Variants in MAGI2 observed in about 807,000 individuals in gnomAD.
MAGI2 encodes membrane-associated guanylate kinase, WW and PDZ domain-containing protein 2.
A neutral mutation model predicts 133.3 loss-of-function variants in MAGI2; 35 were observed. The ratio of observed to expected loss-of-function variants is 0.26; its 90% CI spans 0.20 to 0.35. The LOEUF (loss-of-function observed/expected upper bound fraction) is 0.35, where lower values mean the gene tolerates loss of function less well. Ranked by LOEUF, MAGI2 falls within the 10% of genes least tolerant of loss-of-function variation. The probability of loss-of-function intolerance (pLI) is 1.00; values close to 1 mark genes in which losing one functional copy is unlikely to be tolerated. For synonymous variants in MAGI2, 729 were observed against 710.6 expected (o/e 1.03, Z -0.41); for missense variants, 1,636 against 1,863.4 (o/e 0.88, Z 2.25).
chr7:79,099,743 CGTGTTA>C (rs1161896477), intron 1 of MAGI2, among the ~76,000 whole-genome samples: 3 of 152,002 alleles, frequency 2.0e-5, no homozygotes, highest in African/African-American at 7.3e-5. Flanking sequence ...TTCCTGTTCC[CGTGTTA>C]GTTCGCTTAG....
chr7:79,347,929 C>G (rs552005665), intron 1 of MAGI2, among the ~76,000 whole-genome samples: 67 of 151,924 alleles, frequency 4.4e-4, no homozygotes, highest in African/African-American at 1.5e-3. Flanking sequence ...GTTAGTATCA[C>G]GTATACATTA....
Position 78,836,738 on chromosome 7 carries a change from C to T in MAGI2, c.418+170352G>A, listed in dbSNP as rs916922677. On this transcript the variant is annotated intron_variant, in intron 2 of 21. Transcript: ENST00000354212. ...ATTTTCTAGACTCCTAGTGCCAAAG[C>T]ACAGGTACAGACCTGACAGTGTCCA... Among the ~76,000 whole-genome samples, 4 of 152,140 alleles carry T rather than the reference C, an allele frequency of 2.6e-5. No individual in the cohort carries two copies. The East Asian group carries it at 5.8e-4, about 22-fold the overall frequency.
At chr7:78,627,762 T>G (rs538095735) in intron 2 of MAGI2, among the ~76,000 whole-genome samples, 1 of 152,362 alleles carries the variant, frequency 6.6e-6, no homozygotes, top group South Asian at 2.1e-4. Context: ...GCCATTTTTA[T>G]TTGATTTAAA....
At chr7:79,039,772 A>G (rs907540982) in intron 1 of MAGI2, among the ~76,000 whole-genome samples, 2 of 150,302 alleles carry the variant, frequency 1.3e-5, no homozygotes, top group Admixed American at 1.3e-4. Flanking sequence ...ACTTGAGGTT[A>G]GGAGTTCGAG....
intron 7 of MAGI2, chr7:78,359,381 A>C (rs1364150149): frequency 2.0e-5 from 3 of 152,246 alleles, no homozygotes; most frequent in Non-Finnish European, 2.9e-5. Flanking sequence ...TGTGTGACCA[A>C]GAGGTGGCAG....
At chr7:79,289,175 T>A (rs896683680) in intron 1 of MAGI2, among the ~76,000 whole-genome samples, 1 of 152,292 alleles carries the variant, frequency 6.6e-6, no homozygotes, top group Middle Eastern at 3.4e-3. Context: ...AGTGGACCTT[T>A]CAGCATTTGG....
At chr7:78,022,185 A>T (rs553939501) in intron 21 of MAGI2, among the ~76,000 whole-genome samples, 1 of 152,332 alleles carries the variant, frequency 6.6e-6, no homozygotes, top group South Asian at 2.1e-4. Context: ...TTAAAATCAG[A>T]CTAACAAATG....
At chr7:78,345,487 C>G (rs956388632) in intron 8 of MAGI2, 2 of 159,126 alleles carry the variant, frequency 1.3e-5, no homozygotes, top group African/African-American at 4.8e-5. Flanking sequence ...GATAGTAAGA[C>G]AAGTCATTCA....
chr7:78,523,780 CT>C (rs1417606667), intron 3 of MAGI2, among the ~76,000 whole-genome samples: 1 of 152,082 alleles, frequency 6.6e-6, no homozygotes, highest in Non-Finnish European at 1.5e-5. Flanking sequence ...ACCACCTGGT[CT>C]CTCCCTTGAC....
intron 2 of MAGI2, 60 bp downstream of exon 2, chr7:79,007,030 A>C: frequency 8.1e-7 from 1 of 1,233,664 alleles, no homozygotes; most frequent in Non-Finnish European, 1.1e-6. Flanking sequence ...TAATCAATGA[A>C]TATATAGCTA....
intron 1 of MAGI2, among the ~76,000 whole-genome samples, chr7:79,073,380 G>GT (rs1234613642): frequency 6.6e-6 from 1 of 152,054 alleles, no homozygotes; most frequent in Admixed American, 6.6e-5. Context: ...CATACGTTCT[G>GT]TTTTTTCACA....
intron 2 of MAGI2, among the ~76,000 whole-genome samples, chr7:78,833,724 A>G (rs929497868): frequency 3.3e-5 from 5 of 152,328 alleles, no homozygotes; most frequent in African/African-American, 9.6e-5. Flanking sequence ...GGGGCTTCAG[A>G]AGCAGCGCTG....
chr7:78,028,997 C>A (rs1303495061), intron 21 of MAGI2, among the ~76,000 whole-genome samples: 1 of 152,114 alleles, frequency 6.6e-6, no homozygotes, highest in East Asian at 1.9e-4. Flanking sequence ...CTCTAGAGTG[C>A]AAGCCCAAAA....
At chr7:78,936,457 G>A (rs1049414489) in intron 2 of MAGI2, among the ~76,000 whole-genome samples, 4 of 151,900 alleles carry the variant, frequency 2.6e-5, no homozygotes, top group Non-Finnish European at 5.9e-5. Context: ...AAATATATAC[G>A]TTGTAAAATG....
chr7:78,071,722 G>T (rs1045547451), intron 21 of MAGI2, among the ~76,000 whole-genome samples: 1 of 152,176 alleles, frequency 6.6e-6, no homozygotes, highest in Non-Finnish European at 1.5e-5. Flanking sequence ...CAGACATTCT[G>T]TCCCCTTCCC....
intron 3 of MAGI2, among the ~76,000 whole-genome samples, chr7:78,552,969 G>C (rs1431717744): frequency 6.6e-6 from 1 of 152,082 alleles, no homozygotes; most frequent in Admixed American, 6.6e-5. Context: ...CTATGGATAT[G>C]AATGAGAGTT....
At chr7:79,066,249 C>T (rs891703261) in intron 1 of MAGI2, among the ~76,000 whole-genome samples, 55 of 151,300 alleles carry the variant, frequency 3.6e-4, no homozygotes, top group Non-Finnish European at 1.6e-4. Context: ...TAATGGTTGC[C>T]ATTCTAACCA....
rs181748332 is a variant in MAGI2 at position 78,354,790 on chromosome 7, C to T, written c.1104-8747G>A. Among the ~76,000 whole-genome samples, 15 of 152,128 alleles carry T rather than the reference C, an allele frequency of 9.9e-5. No individual in the cohort carries two copies. The South Asian group carries it at 1.0e-3, about 11-fold the overall frequency. ...AAAATTAAGAAAAAAATACTTTTGA[C>T]GAGTTTTAGGGAGAAAAGGATATAT... On this transcript the variant is annotated intron_variant, in intron 7 of 21. Coordinates refer to ENST00000354212, the MANE Select transcript of MAGI2 (RefSeq NM_012301.4).
At chr7:78,351,149 ATG>A (rs1433313083) in intron 7 of MAGI2, among the ~76,000 whole-genome samples, 2 of 152,124 alleles carry the variant, frequency 1.3e-5, no homozygotes, top group Non-Finnish European at 2.9e-5. Flanking sequence ...AAATACATGA[ATG>A]GAGCAAGGCC....
Sources: gnomAD v4.1 joint callset for allele counts (sites outside exome capture counted in the v4.1 genomes callset) on GRCh38, gnomAD v4.1.1 for gene constraint, MANE v1.5 for transcripts, NCBI Gene and HGNC (gene_info 2026-07-23, HGNC 2026-07-21) for gene names.